The following TAB2 variants were observed in gnomAD, a reference collection of about 807,000 sequenced individuals.
TAB2 encodes TGF-beta activated kinase 1 (MAP3K7) binding protein 2.
In TAB2, 3 loss-of-function variants were observed where a neutral mutation model predicts 65.0. The observed-to-expected ratio is 0.05, with a 90% CI of 0.02 to 0.12. The LOEUF (loss-of-function observed/expected upper bound fraction) is 0.12. Among genes scored for constraint, TAB2 ranks in the 10% least tolerant of loss-of-function variants. The pLI, the probability that TAB2 is intolerant of heterozygous loss-of-function variation, is 1.00. For synonymous variants in TAB2, 298 were observed against 285.1 expected, an observed-to-expected ratio of 1.05 and a Z score of -0.46; for missense variants, 623 against 840.3, an observed-to-expected ratio of 0.74 and a Z score of 3.20.
intron 1 of TAB2, among the ~76,000 whole-genome samples, chr6:149,249,650 G>A (rs1777819497): frequency 6.6e-6 from 1 of 151,824 alleles, no homozygotes; most frequent in Admixed American, 6.6e-5. Flanking sequence ...CTGTGTGTGT[G>A]TGTCTGTCTG....
chr6:149,354,235 T>G (rs1002565968), intron 1 of TAB2, among the ~76,000 whole-genome samples: 1 of 152,212 alleles, frequency 6.6e-6, no homozygotes, highest in Non-Finnish European at 1.5e-5. Context: ...ATCAGTTTAT[T>G]TGATCCTGAA....
At chr6:149,372,316 CTGTT>C (rs1041723373) in intron 2 of TAB2, 45 of 152,240 alleles carry the variant, frequency 3.0e-4, no homozygotes, top group African/African-American at 1.1e-3. Context: ...GTATTTGTCT[CTGTT>C]TGCATAAAGA....
chr6:149,289,269 T>C (rs1363791784), intron 1 of TAB2, among the ~76,000 whole-genome samples: 1 of 152,052 alleles, frequency 6.6e-6, no homozygotes, highest in East Asian at 1.9e-4. Context: ...GGCTCATGCC[T>C]GTAATCCCAG....
intron 1 of TAB2, among the ~76,000 whole-genome samples, chr6:149,363,719 C>G (rs139400624): frequency 6.6e-6 from 1 of 152,058 alleles, no homozygotes; most frequent in Non-Finnish European, 1.5e-5. Flanking sequence ...CATTCACACT[C>G]AGGTTTTAAT....
At chr6:149,366,956 T>A (rs1209720813) in intron 1 of TAB2, among the ~76,000 whole-genome samples, 1 of 91,028 alleles carries the variant, frequency 1.1e-5, no homozygotes, top group African/African-American at 4.6e-5. Flanking sequence ...TGTGTATAAA[T>A]TTTTTTTTTT....
At chr6:149,277,851 T>C (rs1418855433) in intron 1 of TAB2, among the ~76,000 whole-genome samples, 1 of 152,206 alleles carries the variant, frequency 6.6e-6, no homozygotes, top group Non-Finnish European at 1.5e-5. Flanking sequence ...GGCATCATAT[T>C]CATTTTAGTA....
chr6:149,298,810 T>A (rs1346455868), intron 1 of TAB2, among the ~76,000 whole-genome samples: 1 of 152,230 alleles, frequency 6.6e-6, no homozygotes, highest in Non-Finnish European at 1.5e-5. Context: ...ACGTTAATTT[T>A]TCTTATTTCA....
chr6:149,343,752 A>G (rs181025755), intron 1 of TAB2, among the ~76,000 whole-genome samples: 160 of 152,348 alleles, frequency 1.1e-3, no homozygotes, highest in Non-Finnish European at 1.0e-3. Context: ...AAAGCTACTC[A>G]TGAATGGTTA....
intron 3 of TAB2, among the ~76,000 whole-genome samples, chr6:149,394,536 G>T (rs1247778963): frequency 2.0e-5 from 3 of 152,128 alleles, no homozygotes; most frequent in Admixed American, 6.6e-5. Flanking sequence ...GAACAGAGGA[G>T]ACTAAAGTAA....
intron 1 of TAB2, among the ~76,000 whole-genome samples, chr6:149,282,445 G>C (rs1338697296): frequency 6.6e-6 from 1 of 151,876 alleles, no homozygotes; most frequent in Non-Finnish European, 1.5e-5. Flanking sequence ...GGGAATATGA[G>C]CTAATTACTA....
chr6:149,241,718 T>C (rs946304995), intron 1 of TAB2, among the ~76,000 whole-genome samples: 15 of 152,182 alleles, frequency 9.9e-5, no homozygotes, highest in Admixed American at 6.5e-5. Flanking sequence ...TCTGGAATGA[T>C]TTACAGATGA....
chr6:149,269,169 C>A (rs78859046), intron 1 of TAB2, among the ~76,000 whole-genome samples: 1 of 152,082 alleles, frequency 6.6e-6, no homozygotes, highest in Non-Finnish European at 1.5e-5. Flanking sequence ...GGCATAATAC[C>A]TAAATAAAAG....
At chr6:149,284,012 C>T (rs1177526403) in intron 1 of TAB2, among the ~76,000 whole-genome samples, 1 of 152,162 alleles carries the variant, frequency 6.6e-6, no homozygotes, top group Non-Finnish European at 1.5e-5. Flanking sequence ...CATTTGGTTT[C>T]CTTGAACTTA....
intron 1 of TAB2, chr6:149,255,515 A>G (rs1389778698): frequency 2.0e-5 from 3 of 152,364 alleles, no homozygotes; most frequent in Non-Finnish European, 2.9e-5. Flanking sequence ...GAATTTTGGC[A>G]GAATGTGCAA....
At chr6:149,285,776 G>T (rs1778665973) in intron 1 of TAB2, among the ~76,000 whole-genome samples, 1 of 152,076 alleles carries the variant, frequency 6.6e-6, no homozygotes. Flanking sequence ...TAAATCAATG[G>T]TTTTCAAACT....
At chr6:149,284,004 T>C (rs1778624455) in intron 1 of TAB2, among the ~76,000 whole-genome samples, 1 of 152,150 alleles carries the variant, frequency 6.6e-6, no homozygotes, top group Non-Finnish European at 1.5e-5. Context: ...TTCCCTCCCA[T>C]TTGGTTTCCT....
chr6:149,303,554 T>C (rs1265777859), intron 1 of TAB2, among the ~76,000 whole-genome samples: 2 of 152,146 alleles, frequency 1.3e-5, no homozygotes, highest in African/African-American at 4.8e-5. Context: ...TAGAAGAAAA[T>C]ACAGAAGAGT....
chr6:149,335,653 T>C (rs1322937156), intron 1 of TAB2, among the ~76,000 whole-genome samples: 1 of 152,086 alleles, frequency 6.6e-6, no homozygotes, highest in Non-Finnish European at 1.5e-5. Flanking sequence ...CGATTACAGG[T>C]ATGAGCCACT....
chr6:149,249,162 A>ACG (rs1777804347), intron 1 of TAB2, among the ~76,000 whole-genome samples: 4 of 57,788 alleles, frequency 6.9e-5, no homozygotes, highest in African/African-American at 3.1e-4. Context: ...ATACACACAC[A>ACG]CACACACGCA....
Sources: gnomAD v4.1 joint callset for allele counts (sites outside exome capture counted in the v4.1 genomes callset) on GRCh38, gnomAD v4.1.1 for gene constraint, MANE v1.5 for transcripts, NCBI Gene and HGNC (gene_info 2026-07-23, HGNC 2026-07-21) for gene names.